STAMBP: variants seen among roughly 807,000 people sequenced by gnomAD.
STAMBP encodes STAM-binding protein.
Under a neutral mutation model 50.7 loss-of-function variants are expected in STAMBP, and 31 were observed. The observed-to-expected ratio is 0.61, with a 90% CI of 0.46 to 0.83. STAMBP has a LOEUF of 0.83. Among genes scored for constraint, STAMBP ranks in the 40% least tolerant of loss-of-function variants. The pLI, the probability that STAMBP is intolerant of heterozygous loss-of-function variation, is 0.00. For synonymous variants in STAMBP, 211 were observed against 192.4 expected (o/e 1.10, Z -0.80); for missense variants, 472 against 518.9 (o/e 0.91, Z 0.88).
At position 73,836,284 on chromosome 2, in the gene STAMBP, G is replaced by C. The variant is rs544050650; in HGVS notation, c.203+5225G>C. ...GCCCGTCGTCGGAACCTCCGAATGG[G>C]GGCTGGGGTGGAGGAGGTGAGGCGA... On this transcript the variant is annotated intron_variant, in intron 2 of 9. Coordinates refer to ENST00000394070, the MANE Select transcript of STAMBP (RefSeq NM_213622.4). Among the ~76,000 whole-genome samples, 16 of 152,328 alleles carry C rather than the reference G, an allele frequency of 1.1e-4. 1 individual carries two copies. The South Asian group carries it at 3.3e-3, about 32-fold the overall frequency.
At position 73,850,540 on chromosome 2, in the gene STAMBP, T is replaced by C; in HGVS notation, c.1005+27T>C. The C allele has an allele frequency of 6.2e-7, 1 of 1,600,030 alleles. No homozygotes were observed. Among genetic ancestry groups the C allele is most frequent in the Non-Finnish European group, 8.5e-7 (1 of 1,172,932 alleles). On this transcript the variant is annotated intron_variant, in intron 7 of 9. Coordinates refer to ENST00000394070, the MANE Select transcript of STAMBP (RefSeq NM_213622.4). This position sits in a 1 kb window ranked among gnomAD's most constrained non-coding sequence, Gnocchi z 4.3. ...TAAGCAATTCTGAGCTGTCCGAGAG[T>C]TAGTCTCTGCCTCTCCCATGGTGGT...
downstream of STAMBP, among the ~76,000 whole-genome samples, chr2:73,868,891 AAAG>A (rs1455785886): frequency 2.0e-5 from 3 of 151,630 alleles, no homozygotes; most frequent in Non-Finnish European, 1.5e-5. Context: ...AAAGAAAAAA[AAAG>A]AAAGCAAGAA....
At chr2:73,834,239 ATATATATATATATAT>A (rs1558558153) in intron 2 of STAMBP, among the ~76,000 whole-genome samples, 20 of 15,576 alleles carry the variant, frequency 1.3e-3, no homozygotes, top group African/African-American at 4.2e-3. Flanking sequence ...AAAAAAAAAT[ATATATATATATATAT>A]ATATATATAT....
At chr2:73,856,698 A>G (rs1490061243) in intron 7 of STAMBP, among the ~76,000 whole-genome samples, 2 of 152,212 alleles carry the variant, frequency 1.3e-5, no homozygotes, top group African/African-American at 2.4e-5. Flanking sequence ...CCAACATCAT[A>G]GTCCTTGAGT....
chr2:73,847,267 T>G (rs1170530162), intron 4 of STAMBP, 120 bp from the exon 5 acceptor site: 2 of 1,244,568 alleles, frequency 1.6e-6, no homozygotes, highest in East Asian at 2.4e-5. Context: ...AATTCTGTGT[T>G]AGGTAATCAG....
intron 2 of STAMBP, among the ~76,000 whole-genome samples, chr2:73,835,494 G>C (rs150083348): frequency 6.6e-6 from 1 of 152,208 alleles, no homozygotes; most frequent in Non-Finnish European, 1.5e-5. Flanking sequence ...AATATTTAAA[G>C]TATAAATTTT....
chr2:73,852,845 T>TTGTGTGTGTGTGTGTG (rs55727735), intron 7 of STAMBP, among the ~76,000 whole-genome samples: 12 of 127,690 alleles, frequency 9.4e-5, no homozygotes, highest in African/African-American at 3.1e-4. Flanking sequence ...GCCTGGCTAA[T>TTGTGTGTGTGTGTGTG]TGTGTGTGTG....
chr2:73,836,922 G>A (rs62150706), intron 2 of STAMBP, among the ~76,000 whole-genome samples: 3 of 152,228 alleles, frequency 2.0e-5, no homozygotes, highest in Non-Finnish European at 2.9e-5. Context: ...CAGGATTCCT[G>A]AGGCATGCAG....
At chr2:73,833,135 T>C (rs1674172152) in intron 2 of STAMBP, among the ~76,000 whole-genome samples, 1 of 152,260 alleles carries the variant, frequency 6.6e-6, no homozygotes, top group South Asian at 2.1e-4. Flanking sequence ...GCTACAGTTA[T>C]GTGTTTGCCT....
chr2:73,838,811 A>C (rs1031970351), intron 2 of STAMBP, among the ~76,000 whole-genome samples: 2 of 152,150 alleles, frequency 1.3e-5, no homozygotes, highest in African/African-American at 4.8e-5. Context: ...TTAATTTGGA[A>C]TTTTGTTGTA....
chr2:73,843,059 C>T (rs7594485), intron 2 of STAMBP, among the ~76,000 whole-genome samples: 62,505 of 151,928 alleles, frequency 0.41, 15,854 homozygotes, highest in African/African-American at 0.72. Context: ...TCTACTGAAT[C>T]ATCTATCAGT....
At chr2:73,860,665 C>A in intron 9 of STAMBP, 1 of 543,996 alleles carries the variant, frequency 1.8e-6, no homozygotes, top group Non-Finnish European at 2.3e-6. Context: ...TCTTTTTTCC[C>A]TATGTTGTGG....
chr2:73,846,799 A>G (rs1482911420), intron 4 of STAMBP, among the ~76,000 whole-genome samples: 1 of 152,088 alleles, frequency 6.6e-6, no homozygotes, highest in Non-Finnish European at 1.5e-5. Context: ...TCAAGATTTC[A>G]GGCCAGACAT....
At chr2:73,840,608 G>A (rs557234525) in intron 2 of STAMBP, among the ~76,000 whole-genome samples, 1 of 151,900 alleles carries the variant, frequency 6.6e-6, no homozygotes, top group East Asian at 1.9e-4. Context: ...GCTGGGCGTG[G>A]TAGCAGGTGC....
chr2:73,834,239 ATATATATATATATATAT>A (rs1674422594), intron 2 of STAMBP, among the ~76,000 whole-genome samples: 12 of 15,578 alleles, frequency 7.7e-4, no homozygotes, highest in South Asian at 4.2e-3. Context: ...AAAAAAAAAT[ATATATATATATATATAT>A]ATATATATAT....
At chr2:73,838,276 CAT>C (rs146196445) in intron 2 of STAMBP, among the ~76,000 whole-genome samples, 3 of 152,278 alleles carry the variant, frequency 2.0e-5, no homozygotes, top group Admixed American at 6.5e-5. Context: ...ATAGACAACA[CAT>C]AAATGAATGG....
intron 2 of STAMBP, among the ~76,000 whole-genome samples, chr2:73,832,952 A>G (rs1033383747): frequency 9.9e-5 from 15 of 152,222 alleles, no homozygotes; most frequent in African/African-American, 3.1e-4. Flanking sequence ...GCCTGTGTTA[A>G]GAGGAGAAAA....
At chr2:73,844,437 C>T (rs897025054) in intron 2 of STAMBP, among the ~76,000 whole-genome samples, 1 of 152,182 alleles carries the variant, frequency 6.6e-6, no homozygotes, top group Non-Finnish European at 1.5e-5. Flanking sequence ...GGCTGCCAAA[C>T]GGTTCTCTGA....
chr2:73,834,020 C>T (rs538367082), intron 2 of STAMBP, among the ~76,000 whole-genome samples: 14 of 150,746 alleles, frequency 9.3e-5, no homozygotes, highest in Non-Finnish European at 1.8e-4. Context: ...AGACAAGCCT[C>T]GTCAACATGG....
Sources: gnomAD v4.1 joint callset for allele counts (sites outside exome capture counted in the v4.1 genomes callset) on GRCh38, gnomAD v4.1.1 for gene constraint, Gnocchi (gnomAD v3.1) non-coding constraint, MANE v1.5 for transcripts, NCBI Gene and HGNC (gene_info 2026-07-23, HGNC 2026-07-21) for gene names.